Variants in DLG2 observed in about 807,000 individuals in gnomAD.
The protein encoded by DLG2 is disks large homolog 2.
In DLG2, 45 loss-of-function variants were observed where a neutral mutation model predicts 132.5. The observed-to-expected ratio is 0.34, with a 90% CI of 0.27 to 0.44. DLG2 has a LOEUF of 0.44. Ranked by LOEUF, DLG2 falls within the 20% of genes least tolerant of loss-of-function variation. The pLI is 1.00. For synonymous variants in DLG2, 424 were observed against 419.6 expected (o/e 1.01, Z -0.13); for missense variants, 1,045 against 1,196.9 (o/e 0.87, Z 1.87).
At chr11:84,770,841 G>T (rs1226371391) in intron 6 of DLG2, among the ~76,000 whole-genome samples, 1 of 150,784 alleles carries the variant, frequency 6.6e-6, no homozygotes, top group South Asian at 2.1e-4. Flanking sequence ...TAAGGACAGG[G>T]TTTCACCGTG....
intron 7 of DLG2, chr11:84,273,150 C>T: frequency 5.3e-6 from 8 of 1,511,960 alleles, no homozygotes; most frequent in East Asian, 2.4e-5. Flanking sequence ...ATTTTCCTTA[C>T]CGGAATAAAT....
At chr11:85,468,301 C>T (rs892710651) in intron 3 of DLG2, among the ~76,000 whole-genome samples, 1 of 152,070 alleles carries the variant, frequency 6.6e-6, no homozygotes, top group African/African-American at 2.4e-5. Context: ...ATTTTTGTGT[C>T]TCTATCTCCT....
chr11:83,605,687 C>T (rs2059234813), intron 19 of DLG2, among the ~76,000 whole-genome samples: 1 of 152,200 alleles, frequency 6.6e-6, no homozygotes, highest in African/African-American at 2.4e-5. Context: ...GCAGCTGCTT[C>T]CTGCAGTTCT....
chr11:85,231,086 G>A (rs2075275731), intron 4 of DLG2, among the ~76,000 whole-genome samples: 1 of 151,844 alleles, frequency 6.6e-6, no homozygotes, highest in African/African-American at 2.4e-5. Flanking sequence ...AATACATGTA[G>A]GTTGATATTT....
chr11:84,662,784 C>CACAAA (rs2099695879), intron 6 of DLG2, among the ~76,000 whole-genome samples: 2 of 57,202 alleles, frequency 3.5e-5, no homozygotes, highest in Admixed American at 4.6e-4. Flanking sequence ...AAGACTCTGT[C>CACAAA]ACAAAAAAAA....
At chr11:85,362,790 A>C (rs1222594442) in intron 3 of DLG2, among the ~76,000 whole-genome samples, 1 of 152,178 alleles carries the variant, frequency 6.6e-6, no homozygotes, top group Non-Finnish European at 1.5e-5. Context: ...AAATGAAAAA[A>C]CAAAAATGAC....
chr11:83,806,778 G>T (rs960132361), intron 17 of DLG2, among the ~76,000 whole-genome samples: 1 of 152,112 alleles, frequency 6.6e-6, no homozygotes, highest in Non-Finnish European at 1.5e-5. Flanking sequence ...AAAGACTCCT[G>T]TTCCTCTAAA....
At chr11:85,571,091 T>A (rs1468868596) in intron 3 of DLG2, among the ~76,000 whole-genome samples, 1 of 152,140 alleles carries the variant, frequency 6.6e-6, no homozygotes, top group Non-Finnish European at 1.5e-5. Context: ...GCCTAGTTAA[T>A]CCAATCTCTA....
chr11:83,588,794 A>C (rs1286270019), intron 19 of DLG2, among the ~76,000 whole-genome samples: 2 of 152,276 alleles, frequency 1.3e-5, no homozygotes, highest in South Asian at 2.1e-4. Context: ...GAAGTGCTTA[A>C]AGGAGCTGAT....
chr11:84,130,505 TACACACACACACACACAC>T (rs1238340332), intron 9 of DLG2, among the ~76,000 whole-genome samples: 1 of 116,846 alleles, frequency 8.6e-6, no homozygotes, highest in African/African-American at 3.7e-5. Flanking sequence ...TATATATATA[TACACACACACACACACAC>T]ATATATGTGT....
Position 85,191,335 on chromosome 11 carries a change from C to T in DLG2, c.187-36684G>A, listed in dbSNP as rs1566987375. ...ATAACAGAAGTTAAACTCTCTACCA[C>T]TTTTTTTAAGCAAAACTATGTAATC... is the stretch of plus-strand genomic sequence containing the variant. On this transcript the variant is annotated intron_variant, in intron 4 of 27. Coordinates refer to ENST00000376104, the MANE Select transcript of DLG2 (RefSeq NM_001142699.3). Among the ~76,000 whole-genome samples the T allele has an allele frequency of 2.6e-5, 4 of 151,784 alleles. No individual in the cohort carries two copies. The South Asian group carries it at 8.3e-4, about 32-fold the overall frequency.
intron 6 of DLG2, among the ~76,000 whole-genome samples, chr11:85,097,633 G>GT (rs1271484326): frequency 1.3e-5 from 2 of 152,142 alleles, no homozygotes; most frequent in Non-Finnish European, 2.9e-5. Context: ...CTTTTCCATT[G>GT]TTTTTTCTTC....
chr11:84,961,252 G>A (rs1461966740), intron 6 of DLG2, among the ~76,000 whole-genome samples: 2 of 151,732 alleles, frequency 1.3e-5, no homozygotes, highest in East Asian at 3.9e-4. Flanking sequence ...TAGTAGAAGT[G>A]GGTAAAAATT....
At position 84,313,620 on chromosome 11, in the gene DLG2, GAAAA is replaced by G. The variant is rs1283464530; in HGVS notation, c.520-62333_520-62330del. On this transcript the variant is annotated intron_variant, in intron 7 of 27. Coordinates refer to ENST00000376104, the MANE Select transcript of DLG2 (RefSeq NM_001142699.3). The stretch of plus-strand genomic sequence containing the variant: ...AAGGAGGGAAGGAAAGAAGGAAAAA[GAAAA>G]AGAAAGGAAAGAGAGAAAAAGAAAG... Among the ~76,000 whole-genome samples, 4 of 105,380 alleles carry G rather than the reference GAAAA, an allele frequency of 3.8e-5. No homozygotes were observed. In the East Asian group the frequency reaches 1.1e-3, roughly 28 times the overall value. 69.1% of individuals were successfully genotyped at this position (105,380 alleles called of 152,430 possible). A position where few individuals can be genotyped will look rare whatever the true frequency, so the allele number is the denominator to read the frequency against.
chr11:85,500,560 AT>A lies in DLG2; in HGVS notation c.40+98096del, dbSNP rs1299384096. 9.8e-3 allele frequency among the ~76,000 whole-genome samples: 37 copies of A among 3,784 alleles called. 1 individual carries two copies. The highest frequency in any genetic ancestry group is 0.02 in the African/African-American group (29 of 1,420). 2.5% of individuals were successfully genotyped at this position (3,784 alleles called of 152,430 possible). A position where few individuals can be genotyped will look rare whatever the true frequency, so the allele number is the denominator to read the frequency against. On this transcript the variant is annotated intron_variant, in intron 3 of 27. Transcript: ENST00000376104. ...GTATAATAAAAAAAATAAAAATAAA[AT>A]AAATAAATAAATAAATAAAGTTACA... is the stretch of plus-strand genomic sequence containing the variant.
chr11:84,562,547 T>G (rs61706646), intron 6 of DLG2, among the ~76,000 whole-genome samples: 1,998 of 152,242 alleles, frequency 0.013, 36 homozygotes, highest in African/African-American at 0.044. Flanking sequence ...GTCATTTGTT[T>G]AAATAACAGT....
chr11:83,869,323 AC>A (rs1185882174), intron 16 of DLG2, among the ~76,000 whole-genome samples: 4 of 152,156 alleles, frequency 2.6e-5, no homozygotes, highest in African/African-American at 9.7e-5. Flanking sequence ...AGCTTTTCCC[AC>A]CCAGGCAAAA....
chr11:84,437,334 G>A (rs1044505790), intron 7 of DLG2: 1 of 152,220 alleles, frequency 6.6e-6, no homozygotes, highest in African/African-American at 2.4e-5. Flanking sequence ...CAATGGTCCA[G>A]AGCAGGCAGT....
intron 14 of DLG2, among the ~76,000 whole-genome samples, chr11:83,954,611 T>C (rs761979799): frequency 2.0e-5 from 3 of 152,226 alleles, no homozygotes; most frequent in Non-Finnish European, 4.4e-5. Context: ...AGTTTTATAA[T>C]GAACTTTGTA....
Sources: gnomAD v4.1 joint callset for allele counts (sites outside exome capture counted in the v4.1 genomes callset) on GRCh38, gnomAD v4.1.1 for gene constraint, MANE v1.5 for transcripts, NCBI Gene and HGNC (gene_info 2026-07-23, HGNC 2026-07-21) for gene names.